GRM7: variants seen among roughly 807,000 people sequenced by gnomAD.
GRM7 encodes the protein glutamate metabotropic receptor 7.
In GRM7, 35 loss-of-function variants were observed where a neutral mutation model predicts 84.5. The observed-to-expected ratio is 0.41, with a 90% CI of 0.32 to 0.55. The LOEUF (loss-of-function observed/expected upper bound fraction) is 0.55. Ranked by LOEUF, GRM7 falls within the 20% of genes least tolerant of loss-of-function variation. The probability of loss-of-function intolerance (pLI) is 0.19; values close to 1 mark genes in which losing one functional copy is unlikely to be tolerated. For synonymous variants in GRM7, 487 were observed against 455.1 expected, an observed-to-expected ratio of 1.07 and a Z score of -0.89; for missense variants, 1,003 against 1,194.6, an observed-to-expected ratio of 0.84 and a Z score of 2.36.
chr3:7,354,903 T>G (rs1367204346), intron 4 of GRM7, among the ~76,000 whole-genome samples: 1 of 152,210 alleles, frequency 6.6e-6, no homozygotes, highest in African/African-American at 2.4e-5. Flanking sequence ...TTTACTGTCC[T>G]ACACAGGGGT....
intron 5 of GRM7, among the ~76,000 whole-genome samples, chr3:7,422,014 G>T (rs1011738980): frequency 2.6e-5 from 4 of 151,180 alleles, no homozygotes; most frequent in African/African-American, 9.7e-5. Context: ...AGGATCACTT[G>T]AGCCCAGGTA....
chr3:7,425,525 A>G (rs1037654186), intron 5 of GRM7, among the ~76,000 whole-genome samples: 6 of 152,304 alleles, frequency 3.9e-5, no homozygotes, highest in Admixed American at 1.3e-4. Context: ...GGAGACTGAA[A>G]TAGTGTGAAA....
At chr3:7,547,139 A>G (rs904930121) in intron 7 of GRM7, among the ~76,000 whole-genome samples, 9 of 150,228 alleles carry the variant, frequency 6.0e-5, no homozygotes, top group Admixed American at 2.0e-4. Context: ...TGCCAGATCC[A>G]TGAGAAAGCC....
intron 1 of GRM7, among the ~76,000 whole-genome samples, chr3:6,988,422 G>C (rs1480686049): frequency 1.3e-5 from 2 of 151,922 alleles, no homozygotes; most frequent in African/African-American, 4.8e-5. Flanking sequence ...TGTTCTCCAA[G>C]AATGCTGCTC....
At chr3:7,271,101 G>A (rs1698836485) in intron 2 of GRM7, among the ~76,000 whole-genome samples, 1 of 152,144 alleles carries the variant, frequency 6.6e-6, no homozygotes, top group South Asian at 2.1e-4. Context: ...CAGTATGTAT[G>A]GTGAGAAAAG....
At chr3:6,955,650 G>A (rs995636842) in intron 1 of GRM7, among the ~76,000 whole-genome samples, 2 of 151,776 alleles carry the variant, frequency 1.3e-5, no homozygotes, top group Non-Finnish European at 2.9e-5. Context: ...TGAGACCAGC[G>A]TGGCCAACAT....
At chr3:7,635,278 G>A (rs11131085) in intron 8 of GRM7, among the ~76,000 whole-genome samples, 36,234 of 152,066 alleles carry the variant, frequency 0.24, 4,371 homozygotes, top group Middle Eastern at 0.38. Context: ...ATGGGACTTT[G>A]AAAAATCTCA....
At chr3:7,706,183 G>T (rs995065130) in intron 9 of GRM7, among the ~76,000 whole-genome samples, 7 of 152,166 alleles carry the variant, frequency 4.6e-5, no homozygotes, top group Non-Finnish European at 8.8e-5. Context: ...CAAGTAGGTT[G>T]ATTGCATCTT....
chr3:6,987,601 A>G (rs1694466276), intron 1 of GRM7, among the ~76,000 whole-genome samples: 1 of 152,178 alleles, frequency 6.6e-6, no homozygotes, highest in South Asian at 2.1e-4. Flanking sequence ...ACAGGAAGGA[A>G]ATATGCTGAG....
chr3:7,629,809 T>C (rs759562296), intron 8 of GRM7, among the ~76,000 whole-genome samples: 7 of 152,144 alleles, frequency 4.6e-5, no homozygotes, highest in Non-Finnish European at 8.8e-5. Flanking sequence ...TTGTTTTACA[T>C]TCCAAGTTTT....
intron 1 of GRM7, among the ~76,000 whole-genome samples, chr3:6,930,462 A>G (rs1034862709): frequency 6.6e-6 from 1 of 152,190 alleles, no homozygotes; most frequent in Non-Finnish European, 1.5e-5. Context: ...AGTGTAGGCA[A>G]CACATTTCCA....
chr3:7,455,340 A>C (rs369867961), intron 6 of GRM7, among the ~76,000 whole-genome samples: 1 of 152,194 alleles, frequency 6.6e-6, no homozygotes, highest in Non-Finnish European at 1.5e-5. Context: ...GATGAGAAAC[A>C]AGATATTTGC....
Position 7,386,829 on chromosome 3 carries a change from C to T in GRM7, c.1034-28194C>T, listed in dbSNP as rs11926243. On this transcript the variant is annotated intron_variant, in intron 4 of 9. Coordinates refer to ENST00000357716, the MANE Select transcript of GRM7 (RefSeq NM_000844.4). Reference sequence around the variant, plus strand: ...TCAAATGGTAATTCTGTTTCTTGTCCTTTGAGATTTTCAAGCTACTTTCCA... The same window carrying T: ...TCAAATGGTAATTCTGTTTCTTGTCTTTTGAGATTTTCAAGCTACTTTCCA... 8.8e-3 allele frequency among the ~76,000 whole-genome samples: 1,342 copies of T among 152,204 alleles called. 13 individuals carry two copies. Among genetic ancestry groups the T allele is most frequent in the South Asian group, 0.024 (114 of 4,816 alleles).
At chr3:7,088,382 C>T (rs1698535295) in intron 1 of GRM7, among the ~76,000 whole-genome samples, 1 of 151,974 alleles carries the variant, frequency 6.6e-6, no homozygotes, top group African/African-American at 2.4e-5. Context: ...CATCTGTAAG[C>T]AAGAATCTAA....
intron 2 of GRM7, among the ~76,000 whole-genome samples, chr3:7,278,587 T>TA (rs1350359507): frequency 1.3e-5 from 2 of 152,176 alleles, no homozygotes; most frequent in Non-Finnish European, 2.9e-5. Context: ...TTCATTGATC[T>TA]AAAAAATCTA....
At chr3:6,888,792 G>A (rs1237731227) in intron 1 of GRM7, among the ~76,000 whole-genome samples, 2 of 152,076 alleles carry the variant, frequency 1.3e-5, no homozygotes, top group African/African-American at 4.8e-5. Flanking sequence ...GCTTGATGGG[G>A]ATGGCATTGA....
At chr3:7,646,439 G>A (rs984003313) in intron 8 of GRM7, among the ~76,000 whole-genome samples, 177 of 152,182 alleles carry the variant, frequency 1.2e-3, no homozygotes, top group Middle Eastern at 3.4e-3. Flanking sequence ...TGATCCACCT[G>A]CCTCAGCCTC....
intron 2 of GRM7, among the ~76,000 whole-genome samples, chr3:7,181,524 A>G (rs558183283): frequency 2.6e-5 from 4 of 152,336 alleles, no homozygotes; most frequent in Admixed American, 6.5e-5. Context: ...ACAAGCTGTG[A>G]CATTTATTAA....
intron 1 of GRM7, among the ~76,000 whole-genome samples, chr3:7,019,770 A>T (rs2124909478): frequency 6.6e-6 from 1 of 152,318 alleles, no homozygotes; most frequent in South Asian, 2.1e-4. Flanking sequence ...TACATCCGTA[A>T]ATAAAATCTC....
Sources: allele counts gnomAD v4.1 joint callset (sites outside exome capture counted in the v4.1 genomes callset), GRCh38; gene constraint gnomAD v4.1.1; transcripts MANE v1.5; gene names NCBI Gene and HGNC (gene_info 2026-07-23, HGNC 2026-07-21).